ZSCAN5B: variants seen among roughly 807,000 people sequenced by gnomAD.
ZSCAN5B encodes the protein zinc finger and SCAN domain containing 5B.
In ZSCAN5B, 26 loss-of-function variants were observed where a neutral mutation model predicts 25.2. The observed-to-expected ratio is 1.03, with a 90% confidence interval of 0.76 to 1.43. The LOEUF is 1.43. Ranked by LOEUF, ZSCAN5B falls within the 40% of genes most tolerant of loss-of-function variation. The pLI is 0.00. For missense variants in ZSCAN5B, 745 were observed against 622.1 expected, an observed-to-expected ratio of 1.20 and a Z score of -2.10; for synonymous variants, 244 against 240.9, an observed-to-expected ratio of 1.01 and a Z score of -0.12.
chr19:56,193,743 A>T (rs1361507152), intron 1 of ZSCAN5B, among the ~76,000 whole-genome samples: 1 of 152,096 alleles, frequency 6.6e-6, no homozygotes, highest in Non-Finnish European at 1.5e-5. Context: ...CGGGTGGATC[A>T]CGAGGTCAGG....
intron 3 of ZSCAN5B, among the ~76,000 whole-genome samples, chr19:56,191,494 G>C (rs1457450688): frequency 6.6e-6 from 1 of 152,204 alleles, no homozygotes; most frequent in Non-Finnish European, 1.5e-5. Context: ...GAAATCAACA[G>C]TCTGAGAAAG....
chr19:56,197,174 C>T (rs2032820837), intron 1 of ZSCAN5B, among the ~76,000 whole-genome samples: 1 of 151,570 alleles, frequency 6.6e-6, no homozygotes, highest in Admixed American at 6.6e-5. Flanking sequence ...CTTTATTTTT[C>T]TCCTTTTTTT....
At chr19:56,191,565 C>T (rs2032733459) in intron 3 of ZSCAN5B, among the ~76,000 whole-genome samples, 1 of 152,090 alleles carries the variant, frequency 6.6e-6, no homozygotes. Flanking sequence ...GGGTAGGGAC[C>T]TTCAGTTCAT....
exon 3 of ZSCAN5B, chr19:56,191,890 T>C: frequency 6.2e-7 from 1 of 1,614,070 alleles, no homozygotes; most frequent in South Asian, 1.1e-5. Flanking sequence ...CAGGATCTGC[T>C]GCTCTCGGCG....
chr19:56,193,065 A>G, exon 2 of ZSCAN5B: 2 of 1,531,910 alleles, frequency 1.3e-6, no homozygotes, highest in Non-Finnish European at 1.8e-6. Context: ...CTACTGGAGA[A>G]TATTTCAATC....
At chr19:56,192,480 T>C (rs1324791455) in intron 2 of ZSCAN5B, among the ~76,000 whole-genome samples, 189 bp downstream of exon 2, 1 of 152,226 alleles carries the variant, frequency 6.6e-6, no homozygotes, top group Non-Finnish European at 1.5e-5. Context: ...CCATCAGGCC[T>C]AATATTTTAC....
At chr19:56,190,248 G>C (rs765109263) in exon 5 of ZSCAN5B, 3 of 1,614,180 alleles carry the variant, frequency 1.9e-6, no homozygotes, top group Admixed American at 3.3e-5. Flanking sequence ...CACGTCACAT[G>C]CAAAGGGCGG....
At chr19:56,193,425 C>G (rs893587453) in intron 1 of ZSCAN5B, among the ~76,000 whole-genome samples, 1 of 152,164 alleles carries the variant, frequency 6.6e-6, no homozygotes. Context: ...TCAACTGGAA[C>G]AACACTGCTC....
intron 1 of ZSCAN5B, among the ~76,000 whole-genome samples, chr19:56,197,075 C>A (rs1049126219): frequency 6.6e-6 from 1 of 151,998 alleles, no homozygotes; most frequent in African/African-American, 2.4e-5. Flanking sequence ...CCTGGGAGTT[C>A]CAGGCCAGCC....
exon 1 of ZSCAN5B, chr19:56,197,860 G>C (rs1972784): frequency 0.23 from 227,049 of 968,612 alleles, 13,532 homozygotes; most frequent in African/African-American, 0.41. Flanking sequence ...CCTGCGCCGC[G>C]CCGTGATTGG....
At position 56,190,101 on chromosome 19, in the gene ZSCAN5B, T is replaced by C. The variant is rs765199417; in HGVS notation, c.1214A>G (p.His405Arg). The C allele has an allele frequency of 4.6e-5, 75 of 1,613,934 alleles. No homozygotes were observed. Among genetic ancestry groups the C allele is most frequent in the Non-Finnish European group, 6.4e-5 (75 of 1,179,952 alleles). Residue 405 changes from histidine to arginine, a missense_variant, in exon 5 of 5, where the codon CAC (histidine) becomes CGC (arginine). By Grantham distance (29) the His-to-Arg change is conservative. Coordinates refer to ENST00000586855, the Ensembl canonical transcript of ZSCAN5B. The stretch of plus-strand genomic sequence containing the variant: ...ACACATGTAGGGCCTCTCGCCAGTG[T>C]GGACTCGCTGGTGAACTCGGAGGTC...
chr19:56,191,264 A>G (rs980358901), intron 3 of ZSCAN5B, among the ~76,000 whole-genome samples: 1 of 151,568 alleles, frequency 6.6e-6, no homozygotes, highest in African/African-American at 2.4e-5. Flanking sequence ...AAGAAGCATG[A>G]CTCTAGGTGG....
At chr19:56,190,528 C>T (rs776328317) in exon 5 of ZSCAN5B, 1 of 1,613,612 alleles carries the variant, frequency 6.2e-7, no homozygotes, top group African/African-American at 1.3e-5. Flanking sequence ...ACATTTTCCA[C>T]AGAGGCTCTT....
chr19:56,196,538 T>C (rs926785680), intron 1 of ZSCAN5B, among the ~76,000 whole-genome samples: 29 of 152,176 alleles, frequency 1.9e-4, no homozygotes, highest in African/African-American at 6.8e-4. Context: ...ATTTAGCCGT[T>C]GCACAATGCG....
chr19:56,189,866 C>G, exon 5 of ZSCAN5B: 2 of 1,613,494 alleles, frequency 1.2e-6, no homozygotes, highest in Admixed American at 1.7e-5. Flanking sequence ...TCAGGTGACG[C>G]TTGAATGTCC....
chr19:56,197,428 G>A (rs1005084456), intron 1 of ZSCAN5B, among the ~76,000 whole-genome samples: 3 of 152,034 alleles, frequency 2.0e-5, no homozygotes, highest in Non-Finnish European at 4.4e-5. Flanking sequence ...GTTAGAGTCG[G>A]GGTTTCACCA....
chr19:56,190,373 T>C, exon 5 of ZSCAN5B: 3 of 1,614,150 alleles, frequency 1.9e-6, no homozygotes, highest in Non-Finnish European at 2.5e-6. Flanking sequence ...CAGGTGTGGC[T>C]TCTCCTTGAG....
intron 1 of ZSCAN5B, among the ~76,000 whole-genome samples, chr19:56,193,981 T>C (rs1375127721): frequency 6.6e-6 from 1 of 150,540 alleles, no homozygotes; most frequent in Non-Finnish European, 1.5e-5. Flanking sequence ...AAAAATCCTA[T>C]GAGAATTAAG....
rs533025118 is a variant in ZSCAN5B at position 56,192,386 on chromosome 19, A to C, written c.384+283T>G. On this transcript the variant is annotated intron_variant, in intron 2 of 4. Transcript: ENST00000586855. ...TGGGGACCTGGAGGCAGATCCCTGCATCTGATACCAACCACTTTCCCTGCC... is the reference window on the plus strand; with the variant it reads ...TGGGGACCTGGAGGCAGATCCCTGCCTCTGATACCAACCACTTTCCCTGCC... 1.6e-3 allele frequency among the ~76,000 whole-genome samples: 247 copies of C among 152,336 alleles called. 1 individual carries two copies. The Middle Eastern group carries it at 0.024, about 15-fold the overall frequency.
Sources: gnomAD v4.1 joint callset for allele counts (sites outside exome capture counted in the v4.1 genomes callset) on GRCh38, gnomAD v4.1.1 for gene constraint, MANE v1.5 for transcripts, NCBI Gene and HGNC (gene_info 2026-07-23, HGNC 2026-07-21) for gene names.